PDSS1: variants seen among roughly 807,000 people sequenced by gnomAD.
The protein encoded by PDSS1 is decaprenyl diphosphate synthase subunit 1.
PDSS1 carries 43 observed loss-of-function variants against 57.5 expected under a neutral mutation model. That is an observed-to-expected ratio of 0.75 (90% CI 0.59 to 0.96). PDSS1 has a LOEUF of 0.96. PDSS1 is among the 50% of genes least tolerant of loss of function. The pLI is 0.00. For missense variants in PDSS1, 438 were observed against 527.8 expected (o/e 0.83, Z 1.67); for synonymous variants, 175 against 191.3 (o/e 0.91, Z 0.70).
chr10:26,735,508 A>G lies in PDSS1; in HGVS notation c.955A>G (p.Met319Val), dbSNP rs754654692. 2.5e-5 allele frequency: 40 copies of G among 1,613,862 alleles called. No homozygotes were observed. The highest frequency in any genetic ancestry group is 1.0e-4 in the Admixed American group (6 of 60,002). ...VLDFTSCSDQ[M>V]GKPTSADLKL... ...GGACTTCACCTCGTGTTCTGACCAG[A>G]TGGGCAAACCAACATCAGCTGATCT... The change falls in exon 10 of 12, where the codon ATG (methionine) becomes GTG (valine). Residue 319 changes from methionine to valine, a missense_variant. Transcript: ENST00000376215.
intron 3 of PDSS1, 30 bp from the exon 4 acceptor site, chr10:26,705,256 T>G (rs1474086263): frequency 1.6e-6 from 2 of 1,237,874 alleles, no homozygotes; most frequent in South Asian, 2.4e-5. Context: ...TACTTGAAAA[T>G]GAAGTCATGT....
At chr10:26,708,383 G>C (rs1835312389) in intron 4 of PDSS1, among the ~76,000 whole-genome samples, 1 of 152,104 alleles carries the variant, frequency 6.6e-6, no homozygotes, top group African/African-American at 2.4e-5. Flanking sequence ...ACCCTGTTTA[G>C]GCTTCTAATC....
At chr10:26,722,901 T>G (rs1835834192) in intron 6 of PDSS1, among the ~76,000 whole-genome samples, 2 of 151,652 alleles carry the variant, frequency 1.3e-5, no homozygotes, top group South Asian at 4.2e-4. Flanking sequence ...GGAAAAACTT[T>G]TTTTTTTTTT....
chr10:26,719,689 A>C (rs1350194880), intron 5 of PDSS1, among the ~76,000 whole-genome samples: 2 of 152,144 alleles, frequency 1.3e-5, no homozygotes, highest in Non-Finnish European at 2.9e-5. Flanking sequence ...GAATCACTTG[A>C]ACCTGGGAGG....
rs1588705742 is a variant in PDSS1, at chr10:26,738,074, A to C, written c.1026+2495A>C. On this transcript the variant is annotated intron_variant, in intron 10 of 11. Coordinates refer to ENST00000376215, the MANE Select transcript of PDSS1 (RefSeq NM_014317.5). Reference sequence around the variant, plus strand: ...TAAGTTGCCTTCTAATAAAACAGCAAGGTTAGGCTCTTTTGTGGAATACAC... The same window carrying C: ...TAAGTTGCCTTCTAATAAAACAGCACGGTTAGGCTCTTTTGTGGAATACAC... 2.6e-5 allele frequency among the ~76,000 whole-genome samples: 4 copies of C among 152,236 alleles called. No homozygotes were observed. In the South Asian group the frequency reaches 8.3e-4, roughly 32 times the overall value.
chr10:26,732,895 C>T (rs959531827), intron 8 of PDSS1, among the ~76,000 whole-genome samples: 1 of 152,018 alleles, frequency 6.6e-6, no homozygotes, highest in African/African-American at 2.4e-5. Flanking sequence ...CTGAGGCAGG[C>T]GGATCACCTG....
intron 10 of PDSS1, among the ~76,000 whole-genome samples, chr10:26,740,123 C>T (rs1281038745): frequency 7.3e-6 from 1 of 136,224 alleles, no homozygotes; most frequent in Non-Finnish European, 1.5e-5. Flanking sequence ...GCCTGGATGA[C>T]AGAGCGAAAC....
At position 26,709,567 on chromosome 10, in the gene PDSS1, A is replaced by T. The variant is rs144322594; in HGVS notation, c.337-71A>T. 4.5e-4 allele frequency: 690 copies of T among 1,543,874 alleles called. No individual in the cohort carries two copies. In the African/African-American group the frequency reaches 8.3e-3, roughly 18 times the overall value. On this transcript the variant is annotated intron_variant, in intron 4 of 11. Coordinates refer to ENST00000376215, the MANE Select transcript of PDSS1 (RefSeq NM_014317.5). ...CAAGAGCGAAACTCCGTCTCAAAAA[A>T]AAAAAGAAATCCTGTTGGCTTTCTG...
intron 4 of PDSS1, among the ~76,000 whole-genome samples, chr10:26,708,343 G>A (rs1564418809): frequency 6.6e-6 from 1 of 152,132 alleles, no homozygotes. Context: ...CCCGTCAGCC[G>A]GAAGGCTCTT....
intron 4 of PDSS1, among the ~76,000 whole-genome samples, chr10:26,707,813 A>G (rs1835289622): frequency 6.6e-6 from 1 of 152,214 alleles, no homozygotes; most frequent in Non-Finnish European, 1.5e-5. Flanking sequence ...TGACGGTCTC[A>G]GGCTTAACTC....
At chr10:26,708,009 TCTC>T (rs1476753074) in intron 4 of PDSS1, among the ~76,000 whole-genome samples, 11 of 152,184 alleles carry the variant, frequency 7.2e-5, no homozygotes, top group Non-Finnish European at 1.6e-4. Context: ...TTCGTGCTCT[TCTC>T]CTCCCTGTCT....
chr10:26,720,137 C>T (rs750155428), intron 5 of PDSS1, 81 bp from the exon 6 acceptor site: 252 of 1,597,538 alleles, frequency 1.6e-4, no homozygotes, highest in Non-Finnish European at 2.1e-4. Context: ...TATCCTAGAT[C>T]CGATGTCCAG....
At chr10:26,701,212 G>A (rs567892125) in intron 1 of PDSS1, among the ~76,000 whole-genome samples, 7 of 152,350 alleles carry the variant, frequency 4.6e-5, no homozygotes, top group Non-Finnish European at 8.8e-5. Flanking sequence ...GAGCATAAAC[G>A]TTTGGAAAAT....
In PDSS1 at chr10:26,746,338, T is replaced by G. The variant is rs1402581481; in HGVS notation, c.1113T>G (p.Asp371Glu). 1.2e-6 allele frequency: 2 copies of G among 1,614,000 alleles called. No homozygotes were observed. The highest frequency in any genetic ancestry group is 2.7e-5 in the African/African-American group (2 of 74,934). Reference protein sequence around the residue: ...DRARQYVLQSDGVQQTTYLAQ... With the variant: ...DRARQYVLQSEGVQQTTYLAQ... The stretch of plus-strand genomic sequence containing the variant: ...TTTTGTTCTGTATCTTATAGAGTGA[T>G]GGTGTGCAACAAACAACCTACCTCG... The change falls in exon 12 of 12, where the codon GAT (aspartate) becomes GAG (glutamate). Residue 371 changes from aspartate (D) to glutamate (E), a missense_variant. This residue lies in a region of PDSS1 where 284 missense variants were observed against 390.7 expected (regional missense o/e 0.73). Transcript: ENST00000376215.
intron 2 of PDSS1, among the ~76,000 whole-genome samples, chr10:26,704,083 C>CTAAAAAAAAAAAAAAAA (rs1835132185): frequency 3.2e-5 from 1 of 31,050 alleles, no homozygotes; most frequent in African/African-American, 1.0e-4. Flanking sequence ...CTCCGTCTCA[C>CTAAAAAAAAAAAAAAAA]AAAAAAAAAA....
chr10:26,728,774 C>CTTTTTTTTTTTTTTTTTT (rs33930147), intron 8 of PDSS1, among the ~76,000 whole-genome samples: 11 of 84,568 alleles, frequency 1.3e-4, no homozygotes, highest in Admixed American at 3.5e-4. Context: ...TATTCTGTAT[C>CTTTTTTTTTTTTTTTTTT]TTTTTTTTTT....
Position 26,729,904 on chromosome 10 carries a change from C to CCT in PDSS1, c.832-5336_832-5335insCT, listed in dbSNP as rs1836108673. Among the ~76,000 whole-genome samples, 2 of 75,334 alleles carry CCT rather than the reference C, an allele frequency of 2.7e-5. 1 individual carries two copies. 49.4% of individuals were successfully genotyped at this position (75,334 alleles called of 152,430 possible). On this transcript the variant is annotated intron_variant, in intron 8 of 11. Transcript: ENST00000376215. The stretch of plus-strand genomic sequence containing the variant: ...GCATAAATGGGTTAATAGTTGGTTC[C>CCT]TTTTTTTTTTTTTTTTTTTTTTTTT...
intron 11 of PDSS1, among the ~76,000 whole-genome samples, chr10:26,743,910 A>AACT (rs1554799187): frequency 1.3e-5 from 2 of 152,110 alleles, no homozygotes; most frequent in African/African-American, 2.4e-5. Flanking sequence ...GGAAAAAAAA[A>AACT]CAGGAAAAAC....
intron 5 of PDSS1, 83 bp downstream of exon 5, chr10:26,709,851 T>C: frequency 6.9e-7 from 1 of 1,449,898 alleles, no homozygotes; most frequent in South Asian, 1.1e-5. Context: ...TCATTTCCCA[T>C]TTAAGAATTA....
Sources: allele counts gnomAD v4.1 joint callset (sites outside exome capture counted in the v4.1 genomes callset), GRCh38; gene constraint gnomAD v4.1.1; regional missense constraint gnomAD v4.1.1; transcripts MANE v1.5; gene names NCBI Gene and HGNC (gene_info 2026-07-23, HGNC 2026-07-21).